The following GLG1 variants were observed in gnomAD, a reference collection of about 807,000 sequenced individuals.
GLG1 encodes the protein golgi glycoprotein 1, also known as Golgi apparatus protein 1.
Under a neutral mutation model 160.5 loss-of-function variants are expected in GLG1, and 38 were observed. That is an observed-to-expected ratio of 0.24 (90% CI 0.18 to 0.31). The LOEUF is 0.31. Ranked by LOEUF, GLG1 falls within the 10% of genes least tolerant of loss-of-function variation. The pLI is 1.00. For synonymous variants in GLG1, 644 were observed against 543.4 expected, an observed-to-expected ratio of 1.19 and a Z score of -2.57; for missense variants, 1,373 against 1,505.2, an observed-to-expected ratio of 0.91 and a Z score of 1.45.
rs75675643 is a variant in GLG1 at position 74,538,390 on chromosome 16, T to C, written c.439-6237A>G. On this transcript the variant is annotated intron_variant, in intron 1 of 25. Coordinates refer to ENST00000422840, the MANE Select transcript of GLG1 (RefSeq NM_001145667.2). Reference sequence around the variant, plus strand: ...ACCTTGTCCAAAGCCCCAATGACAATGAAGATAATGTAGCTGGTCTCTAAC... The same window carrying C: ...ACCTTGTCCAAAGCCCCAATGACAACGAAGATAATGTAGCTGGTCTCTAAC... Among the ~76,000 whole-genome samples, 730 of 152,204 alleles carry C rather than the reference T, an allele frequency of 4.8e-3. 39 individuals are homozygous for C. In the East Asian group the frequency reaches 0.12, roughly 26 times the overall value.
At chr16:74,504,165 G>A (rs2143461099) in intron 3 of GLG1, among the ~76,000 whole-genome samples, 1 of 152,252 alleles carries the variant, frequency 6.6e-6, no homozygotes, top group Admixed American at 6.5e-5. Flanking sequence ...ACAAACAGGT[G>A]CAAAAGTGAA....
chr16:74,453,478 C>T (rs2014407350), intron 25 of GLG1, 144 bp from the exon 26 acceptor site: 1 of 612,506 alleles, frequency 1.6e-6, no homozygotes. Flanking sequence ...AAAATCAACA[C>T]AGAGCTACAA....
chr16:74,573,581 CTTTTTTTTT>C (rs34868210), intron 1 of GLG1, among the ~76,000 whole-genome samples: 2 of 102,662 alleles, frequency 1.9e-5, no homozygotes, highest in African/African-American at 8.0e-5. Context: ...TTTATCTTGC[CTTTTTTTTT>C]TTTTTTTTTT....
At chr16:74,515,452 G>C (rs1448905367) in intron 2 of GLG1, among the ~76,000 whole-genome samples, 1 of 152,156 alleles carries the variant, frequency 6.6e-6, no homozygotes, top group Non-Finnish European at 1.5e-5. Context: ...CTGTCTCTCA[G>C]ACCACAGTGC....
chr16:74,456,802 T>G, intron 24 of GLG1, 47 bp from the exon 25 acceptor site: 3 of 1,129,588 alleles, frequency 2.7e-6, no homozygotes, highest in Non-Finnish European at 4.1e-6. Flanking sequence ...CTGTACAGAA[T>G]AGAGAAATTT....
intron 20 of GLG1, 40 bp downstream of exon 20, chr16:74,463,316 G>C: frequency 1.2e-6 from 2 of 1,606,616 alleles, no homozygotes; most frequent in Non-Finnish European, 1.7e-6. Context: ...TTCCTTTTCA[G>C]ATACTCCACG....
chr16:74,590,393 G>A lies in GLG1; in HGVS notation c.438+16264C>T, dbSNP rs545691186. Among the ~76,000 whole-genome samples, 11 of 152,028 alleles carry A rather than the reference G, an allele frequency of 7.2e-5. No homozygotes were observed. The East Asian group carries it at 9.8e-4, about 13-fold the overall frequency. ...AGCACTCTGGGAGGCCGAAGCAGGC[G>A]GATCACCTGAAGTCAGGAGTTCGAG... is the stretch of plus-strand genomic sequence containing the variant. On this transcript the variant is annotated intron_variant, in intron 1 of 25. Transcript: ENST00000422840.
At chr16:74,467,006 T>C (rs559085612) in intron 18 of GLG1, among the ~76,000 whole-genome samples, 294 of 152,272 alleles carry the variant, frequency 1.9e-3, no homozygotes, top group African/African-American at 5.7e-3. Flanking sequence ...GATTGTGAGA[T>C]TGAAAGAGCC....
At chr16:74,606,179 A>G (rs988968345) in intron 1 of GLG1, among the ~76,000 whole-genome samples, 3 of 152,354 alleles carry the variant, frequency 2.0e-5, no homozygotes, top group Admixed American at 2.0e-4. Flanking sequence ...CATTAATTTC[A>G]GCACCAAAAA....
At chr16:74,540,025 T>A (rs796928737) in intron 1 of GLG1, among the ~76,000 whole-genome samples, 33 of 472 alleles carry the variant, frequency 0.07, 10 homozygotes, top group East Asian at 0.5. Context: ...TATATATATA[T>A]TATATATATT....
Position 74,452,891 on chromosome 16 carries a change from G to A in GLG1, c.*276C>T, listed in dbSNP as rs1203222454. ...TTCTGGAAGTACCGGAAGTTCTGTT[G>A]GTATGAGAGAGACTTGTCTACAGGC... On this transcript the variant is annotated 3_prime_UTR_variant, in exon 26 of 26. Transcript: ENST00000422840. 6.2e-6 allele frequency: 7 copies of A among 1,130,098 alleles called. No individual in the cohort carries two copies. Among genetic ancestry groups the A allele is most frequent in the Non-Finnish European group, 7.6e-6 (7 of 923,418 alleles). 70.0% of individuals were successfully genotyped at this position (1,130,098 alleles called of 1,614,324 possible).
At chr16:74,526,879 T>A (rs903279891) in intron 2 of GLG1, among the ~76,000 whole-genome samples, 5 of 151,716 alleles carry the variant, frequency 3.3e-5, no homozygotes, top group African/African-American at 1.2e-4. Flanking sequence ...TTCAAATTTG[T>A]TCCATGTGAT....
intron 1 of GLG1, among the ~76,000 whole-genome samples, chr16:74,587,728 T>C (rs1295538984): frequency 6.6e-6 from 1 of 152,138 alleles, no homozygotes; most frequent in Admixed American, 6.5e-5. Flanking sequence ...TAGCTGGGCA[T>C]TGTGGCACGT....
At chr16:74,488,925 G>A (rs1221848089) in intron 8 of GLG1, among the ~76,000 whole-genome samples, 1 of 152,020 alleles carries the variant, frequency 6.6e-6, no homozygotes, top group Non-Finnish European at 1.5e-5. Context: ...AGCCTCACTT[G>A]GCTAAATTTA....
chr16:74,491,072 G>T lies in GLG1; in HGVS notation c.1378C>A (p.Arg460=). 3 of 1,614,026 alleles carry T rather than the reference G, an allele frequency of 1.9e-6. No individual in the cohort carries two copies. Among genetic ancestry groups the T allele is most frequent in the Non-Finnish European group, 2.5e-6 (3 of 1,179,920 alleles). The change falls in exon 8 of 26, where the codon CGG becomes AGG. Residue 460 remains arginine, a synonymous_variant. Coordinates refer to ENST00000422840, the MANE Select transcript of GLG1 (RefSeq NM_001145667.2). ...HHCSGLHRKG[R]TLHCLMKVVR... is the part of the protein sequence containing the mutation. ...ACTTTCATCAGACAGTGTAGGGTCC[G>T]CCCTTTTCGATGTAATCCGGAACAA...
At chr16:74,533,729 T>C (rs939795696) in intron 1 of GLG1, among the ~76,000 whole-genome samples, 1 of 152,074 alleles carries the variant, frequency 6.6e-6, no homozygotes, top group African/African-American at 2.4e-5. Flanking sequence ...TGCAGTGATC[T>C]GAGATTGTGT....
chr16:74,472,506 G>A, intron 13 of GLG1, 95 bp from the exon 14 acceptor site: 1 of 1,337,564 alleles, frequency 7.5e-7, no homozygotes, highest in South Asian at 1.3e-5. Context: ...TATCTGATGG[G>A]CAAATAATCT....
intron 1 of GLG1, among the ~76,000 whole-genome samples, chr16:74,566,646 G>A (rs2018662035): frequency 6.6e-6 from 1 of 151,878 alleles, no homozygotes; most frequent in Non-Finnish European, 1.5e-5. Context: ...TGCCTATTCT[G>A]TTGTAATTTG....
intron 17 of GLG1, 102 bp downstream of exon 17, chr16:74,468,844 C>A: frequency 1.3e-6 from 1 of 744,018 alleles, no homozygotes; most frequent in Non-Finnish European, 2.5e-6. Context: ...TCTTAACCAT[C>A]ACAGTAGTGG....
Sources: allele counts gnomAD v4.1 joint callset (sites outside exome capture counted in the v4.1 genomes callset), GRCh38; gene constraint gnomAD v4.1.1; transcripts MANE v1.5; gene names NCBI Gene and HGNC (gene_info 2026-07-23, HGNC 2026-07-21).